The following SEMA5A variants were observed in gnomAD, a reference collection of about 807,000 sequenced individuals.
SEMA5A encodes semaphorin-5A.
A neutral mutation model predicts 135.5 loss-of-function variants in SEMA5A; 55 were observed. The ratio of observed to expected loss-of-function variants is 0.41; its 90% CI spans 0.33 to 0.51. The LOEUF (loss-of-function observed/expected upper bound fraction) is 0.51. Ranked by LOEUF, SEMA5A falls within the 20% of genes least tolerant of loss-of-function variation. The pLI is 0.37. For missense variants in SEMA5A, 1,290 were observed against 1,419.9 expected (o/e 0.91, Z 1.47); for synonymous variants, 580 against 546.5 (o/e 1.06, Z -0.85).
chr5:9,448,036 G>A (rs1758498034), intron 1 of SEMA5A, among the ~76,000 whole-genome samples: 1 of 152,174 alleles, frequency 6.6e-6, no homozygotes, highest in Non-Finnish European at 1.5e-5. Context: ...ATGTCCTGAA[G>A]TCAACCTGCT....
chr5:9,495,115 CT>C (rs1735233014), intron 1 of SEMA5A, among the ~76,000 whole-genome samples: 1 of 152,166 alleles, frequency 6.6e-6, no homozygotes, highest in African/African-American at 2.4e-5. Flanking sequence ...TTTCTTTCCC[CT>C]TTGAGGCTGC....
At chr5:9,355,376 G>A (rs1579402049) in intron 3 of SEMA5A, among the ~76,000 whole-genome samples, 1 of 152,168 alleles carries the variant, frequency 6.6e-6, no homozygotes, top group African/African-American at 2.4e-5. Flanking sequence ...TGCAGGAAAT[G>A]GGATAGACCA....
At chr5:9,419,188 C>A (rs1461884270) in intron 2 of SEMA5A, among the ~76,000 whole-genome samples, 1 of 151,940 alleles carries the variant, frequency 6.6e-6, no homozygotes, top group Non-Finnish European at 1.5e-5. Context: ...TTTGAGAGAT[C>A]TTGGCATTAA....
intron 2 of SEMA5A, among the ~76,000 whole-genome samples, chr5:9,397,410 T>C (rs184948654): frequency 4.9e-4 from 74 of 152,356 alleles, no homozygotes; most frequent in Non-Finnish European, 8.8e-4. Context: ...GGGATAATAC[T>C]AGCACCTTTC....
intron 1 of SEMA5A, among the ~76,000 whole-genome samples, chr5:9,502,539 A>G (rs1735649475): frequency 6.6e-6 from 1 of 151,762 alleles, no homozygotes; most frequent in Admixed American, 6.6e-5. Context: ...AGCTGTGGGT[A>G]TCTCTAAACA....
intron 1 of SEMA5A, among the ~76,000 whole-genome samples, chr5:9,462,379 T>G (rs557623837): frequency 3.9e-5 from 6 of 152,148 alleles, no homozygotes; most frequent in Admixed American, 3.9e-4. Flanking sequence ...TTGGTGGGAG[T>G]GTAAATTAGT....
At chr5:9,428,588 A>G (rs1463568426) in intron 2 of SEMA5A, among the ~76,000 whole-genome samples, 1 of 152,194 alleles carries the variant, frequency 6.6e-6, no homozygotes, top group African/African-American at 2.4e-5. Context: ...CTTTAGAAGG[A>G]TCTCACAGTC....
At chr5:9,134,018 A>T (rs1185027805) in intron 13 of SEMA5A, among the ~76,000 whole-genome samples, 1 of 151,984 alleles carries the variant, frequency 6.6e-6, no homozygotes, top group Non-Finnish European at 1.5e-5. Flanking sequence ...GTTTCTCCTG[A>T]ACTCTCTCTC....
At chr5:9,075,018 A>AT (rs1424744457) in intron 16 of SEMA5A, among the ~76,000 whole-genome samples, 2 of 152,216 alleles carry the variant, frequency 1.3e-5, no homozygotes, top group Admixed American at 6.6e-5. Flanking sequence ...TGATTTAGAG[A>AT]TTTTTAGATA....
intron 1 of SEMA5A, among the ~76,000 whole-genome samples, chr5:9,537,398 G>A (rs1258445978): frequency 6.6e-6 from 1 of 152,120 alleles, no homozygotes; most frequent in Non-Finnish European, 1.5e-5. Context: ...TGTTGAAAAT[G>A]AAAGAAAACC....
At chr5:9,060,676 A>G (rs1231564870) in intron 18 of SEMA5A, among the ~76,000 whole-genome samples, 1 of 152,100 alleles carries the variant, frequency 6.6e-6, no homozygotes, top group Non-Finnish European at 1.5e-5. Context: ...AAATTCAAGC[A>G]GAGACACCCT....
In SEMA5A at chr5:9,237,885, C is replaced by A. The variant is rs1302147775; in HGVS notation, c.276G>T (p.Val92=). ...TGGTAGCTTCATCACACTCCCATTC[C>A]ACAGCCTGTAGAAAACACCAAAACA... ...QLEDLSLIQA[V]EWECDEATKK... is the part of the protein sequence containing the mutation. The change falls in exon 6 of 23, where the codon GTG becomes GTT. Residue 92 remains valine, a synonymous_variant. Coordinates refer to ENST00000382496, the MANE Select transcript of SEMA5A (RefSeq NM_003966.3). 2 of 1,613,410 alleles carry A rather than the reference C, an allele frequency of 1.2e-6. No homozygotes were observed. Among genetic ancestry groups the A allele is most frequent in the Non-Finnish European group, 1.7e-6 (2 of 1,179,542 alleles).
At chr5:9,489,781 T>A (rs1305472158) in intron 1 of SEMA5A, among the ~76,000 whole-genome samples, 1 of 152,168 alleles carries the variant, frequency 6.6e-6, no homozygotes. Context: ...CCAATAACAG[T>A]GCAAATTTCT....
At chr5:9,073,850 C>G (rs998341211) in intron 16 of SEMA5A, among the ~76,000 whole-genome samples, 3 of 151,974 alleles carry the variant, frequency 2.0e-5, no homozygotes, top group Non-Finnish European at 2.9e-5. Flanking sequence ...TTTAAAAGAA[C>G]ACTACTTATA....
intron 13 of SEMA5A, among the ~76,000 whole-genome samples, chr5:9,131,924 A>G (rs1274809440): frequency 1.3e-5 from 2 of 152,174 alleles, no homozygotes; most frequent in Non-Finnish European, 2.9e-5. Context: ...TCATGCATAA[A>G]TAAAACTCAA....
chr5:9,479,617 T>A (rs964255773), intron 1 of SEMA5A, among the ~76,000 whole-genome samples: 1 of 152,144 alleles, frequency 6.6e-6, no homozygotes, highest in Admixed American at 6.5e-5. Flanking sequence ...GAAACGGAAG[T>A]GGTTATTATT....
intron 11 of SEMA5A, among the ~76,000 whole-genome samples, chr5:9,160,698 C>T (rs1743206439): frequency 6.6e-6 from 1 of 152,058 alleles, no homozygotes; most frequent in South Asian, 2.1e-4. Flanking sequence ...CAGGAGTAAA[C>T]CTGATGTCAG....
intron 13 of SEMA5A, among the ~76,000 whole-genome samples, chr5:9,131,002 C>A (rs1741379255): frequency 6.6e-6 from 1 of 152,142 alleles, no homozygotes. Context: ...ATTCTAAAGA[C>A]CCTAACTACA....
chr5:9,222,454 T>C (rs72741956), intron 8 of SEMA5A, among the ~76,000 whole-genome samples: 315 of 152,268 alleles, frequency 2.1e-3, no homozygotes, highest in Non-Finnish European at 3.8e-3. Flanking sequence ...AGAGAGGGTC[T>C]TCCCAATGTA....
Sources: allele counts gnomAD v4.1 joint callset (sites outside exome capture counted in the v4.1 genomes callset), GRCh38; gene constraint gnomAD v4.1.1; transcripts MANE v1.5; gene names NCBI Gene and HGNC (gene_info 2026-07-23, HGNC 2026-07-21).